Variants in PTPRT observed in about 807,000 individuals in gnomAD.
The protein encoded by PTPRT is receptor-type tyrosine-protein phosphatase T.
In PTPRT, 56 loss-of-function variants were observed where a neutral mutation model predicts 176.8. That is an observed-to-expected ratio of 0.32 (90% CI 0.26 to 0.40). The LOEUF (loss-of-function observed/expected upper bound fraction) is 0.40, where lower values mean the gene tolerates loss of function less well. PTPRT is among the 10% of genes least tolerant of loss of function. PTPRT has a pLI of 1.00. For missense variants in PTPRT, 1,540 were observed against 1,908.2 expected (o/e 0.81, Z 3.60); for synonymous variants, 783 against 739.0 (o/e 1.06, Z -0.96).
intron 1 of PTPRT, among the ~76,000 whole-genome samples, chr20:42,968,253 C>G (rs1008705566): frequency 6.6e-6 from 1 of 152,184 alleles, no homozygotes; most frequent in Non-Finnish European, 1.5e-5. Flanking sequence ...TCCTGAGTTA[C>G]AGCAACAACG....
At chr20:43,115,297 C>T (rs1160765156) in intron 1 of PTPRT, among the ~76,000 whole-genome samples, 4 of 152,196 alleles carry the variant, frequency 2.6e-5, no homozygotes, top group Admixed American at 6.5e-5. Context: ...CTGGTTTAGA[C>T]CTTCAGCTGG....
chr20:42,805,937 T>C (rs1408717437), intron 2 of PTPRT, among the ~76,000 whole-genome samples: 1 of 152,112 alleles, frequency 6.6e-6, no homozygotes, highest in Non-Finnish European at 1.5e-5. Flanking sequence ...AATCCTCTTT[T>C]TGAATATACA....
intron 6 of PTPRT, among the ~76,000 whole-genome samples, chr20:42,683,050 A>G (rs1440229081): frequency 1.3e-5 from 2 of 152,138 alleles, no homozygotes; most frequent in Non-Finnish European, 2.9e-5. Context: ...CCTAGCCTCC[A>G]ACACTTTACA....
chr20:42,767,962 A>C (rs1037152882), intron 5 of PTPRT, among the ~76,000 whole-genome samples: 1 of 137,826 alleles, frequency 7.3e-6, no homozygotes, highest in African/African-American at 2.7e-5. Flanking sequence ...TTATATATGA[A>C]AATATATAAA....
At position 42,119,936 on chromosome 20, in the gene PTPRT, T is replaced by C. The variant is rs1394866597; in HGVS notation, c.2883A>G (p.Gln961=). The change falls in exon 20 of 31, where the codon CAA becomes CAG. Residue 961 remains glutamine, a splice_region_variant and synonymous_variant. Coordinates refer to ENST00000373187, the MANE Select transcript of PTPRT (RefSeq NM_007050.6). ...YHRPRHYIAT[Q]GPMQETVKDF... ...ACTAGGTGGAGGGAGGGCACTTACC[T>C]TGAGTCGCAATGTAGTGCCGAGGTC... The C allele has an allele frequency of 1.2e-6, 2 of 1,609,010 alleles. No individual in the cohort carries two copies. The highest frequency in any genetic ancestry group is 1.3e-5 in the African/African-American group (1 of 74,580).
chr20:42,402,654 A>G (rs953297687), intron 9 of PTPRT, among the ~76,000 whole-genome samples: 7 of 152,098 alleles, frequency 4.6e-5, no homozygotes, highest in African/African-American at 1.4e-4. Flanking sequence ...AGGAAAGGGG[A>G]CTCAACAGTC....
intron 7 of PTPRT, among the ~76,000 whole-genome samples, chr20:42,536,608 C>T (rs2072480683): frequency 6.6e-6 from 1 of 152,098 alleles, no homozygotes; most frequent in Non-Finnish European, 1.5e-5. Flanking sequence ...AAAATGAAGA[C>T]AGTAACAGTT....
intron 7 of PTPRT, among the ~76,000 whole-genome samples, chr20:42,543,703 C>T (rs1366293424): frequency 6.6e-6 from 1 of 151,944 alleles, no homozygotes; most frequent in Non-Finnish European, 1.5e-5. Context: ...ATATCTATGG[C>T]AGCTGTAGCC....
chr20:43,113,149 A>G (rs1276794765), intron 1 of PTPRT, among the ~76,000 whole-genome samples: 2 of 152,190 alleles, frequency 1.3e-5, no homozygotes, highest in South Asian at 2.1e-4. Context: ...CATGATATAA[A>G]CGTGTCTCCT....
At chr20:42,575,166 A>G (rs1478977401) in intron 7 of PTPRT, among the ~76,000 whole-genome samples, 1 of 152,206 alleles carries the variant, frequency 6.6e-6, no homozygotes, top group Non-Finnish European at 1.5e-5. Context: ...TAACACACAC[A>G]TAGAAAGACG....
At chr20:42,184,574 T>C (rs1038330280) in intron 16 of PTPRT, among the ~76,000 whole-genome samples, 6 of 138,466 alleles carry the variant, frequency 4.3e-5, no homozygotes, top group African/African-American at 1.1e-4. Context: ...CTTCTTCTTC[T>C]TCTTCTTCTT....
intron 15 of PTPRT, among the ~76,000 whole-genome samples, chr20:42,214,818 C>T (rs1013908300): frequency 6.6e-6 from 1 of 152,216 alleles, no homozygotes; most frequent in Non-Finnish European, 1.5e-5. Flanking sequence ...CATACTGGCC[C>T]CTGGGCCCTA....
intron 9 of PTPRT, among the ~76,000 whole-genome samples, chr20:42,363,094 A>G (rs1270720688): frequency 9.0e-6 from 1 of 111,598 alleles, no homozygotes; most frequent in Non-Finnish European, 1.7e-5. Flanking sequence ...ACAGAGCAAG[A>G]CTCCATTTCA....
In PTPRT at chr20:42,182,907, G is replaced by GGTGTGTGTGT. The variant is rs10608197; in HGVS notation, c.2491+16323_2491+16332dup. ...AGTGACTGTTAATCCTACAAGCAGGGGTGTGTGTGTGTGTGTGTGTGTGTG... is the reference window on the plus strand; with the variant it reads ...AGTGACTGTTAATCCTACAAGCAGGGGTGTGTGTGTGTGTGTGTGTGTGTGTGTGTGTGTG... On this transcript the variant is annotated intron_variant, in intron 16 of 30. Transcript: ENST00000373187. Among the ~76,000 whole-genome samples the GGTGTGTGTGT allele has an allele frequency of 8.5e-3, 1,225 of 144,690 alleles. 15 individuals carry two copies. The highest frequency in any genetic ancestry group is 0.041 in the East Asian group (189 of 4,586). 94.9% of individuals were successfully genotyped at this position (144,690 alleles called of 152,430 possible).
chr20:42,550,615 T>C (rs1364799571), intron 7 of PTPRT, among the ~76,000 whole-genome samples: 2 of 152,066 alleles, frequency 1.3e-5, no homozygotes, highest in African/African-American at 2.4e-5. Context: ...TTCCGACTGG[T>C]ACAAAGGAAC....
At chr20:42,319,383 C>T (rs2057767329) in intron 11 of PTPRT, among the ~76,000 whole-genome samples, 1 of 151,890 alleles carries the variant, frequency 6.6e-6, no homozygotes, top group African/African-American at 2.4e-5. Context: ...CAACCAACTC[C>T]ATATGAAATT....
chr20:42,396,797 A>G (rs915663228), intron 9 of PTPRT, among the ~76,000 whole-genome samples: 6 of 152,152 alleles, frequency 3.9e-5, no homozygotes, highest in African/African-American at 1.4e-4. Flanking sequence ...CCTCATGGTT[A>G]TCTGCCCACC....
chr20:42,999,114 GGAAAA>G (rs1568725676), intron 1 of PTPRT, among the ~76,000 whole-genome samples: 1 of 152,168 alleles, frequency 6.6e-6, no homozygotes, highest in African/African-American at 2.4e-5. Context: ...GTAGGCATGA[GGAAAA>G]GAAAAGTACT....
At chr20:42,276,496 AATATATATAT>A (rs61484693) in intron 13 of PTPRT, among the ~76,000 whole-genome samples, 43 of 44,142 alleles carry the variant, frequency 9.7e-4, no homozygotes, top group Non-Finnish European at 1.3e-3. Flanking sequence ...GAAAGAAGGA[AATATATATAT>A]ATATATATAT....
Sources: allele counts gnomAD v4.1 joint callset (sites outside exome capture counted in the v4.1 genomes callset), GRCh38; gene constraint gnomAD v4.1.1; transcripts MANE v1.5; gene names NCBI Gene and HGNC (gene_info 2026-07-23, HGNC 2026-07-21).